GTF2IRD2B: variants seen among roughly 807,000 people sequenced by gnomAD.
GTF2IRD2B encodes GTF2I repeat domain containing 2B, also known as general transcription factor II-I repeat domain-containing protein 2B.
GTF2IRD2B carries 10 observed loss-of-function variants against 55.6 expected under a neutral mutation model. That is an observed-to-expected ratio of 0.18 (90% CI 0.11 to 0.31). GTF2IRD2B has a LOEUF of 0.31. GTF2IRD2B is among the 10% of genes least tolerant of loss of function. The pLI is 1.00. For missense variants in GTF2IRD2B, 206 were observed against 802.7 expected (o/e 0.26, Z 8.98); for synonymous variants, 107 against 320.5 (o/e 0.33, Z 7.12).
chr7:75,121,359 A>G (rs1217480923), intron 4 of GTF2IRD2B, among the ~76,000 whole-genome samples: 2 of 149,506 alleles, frequency 1.3e-5, no homozygotes, highest in Admixed American at 1.3e-4. Flanking sequence ...TAAGTGGTTC[A>G]CCCAGGAGTA....
intron 3 of GTF2IRD2B, among the ~76,000 whole-genome samples, chr7:75,119,160 C>G (rs1554451650): frequency 9.5e-6 from 1 of 104,908 alleles, no homozygotes. Flanking sequence ...TGCCATTGCA[C>G]TCCAGCTTAG....
At chr7:75,147,526 G>A (rs1281496784) in intron 15 of GTF2IRD2B, among the ~76,000 whole-genome samples, 168 bp from the exon 16 acceptor site, 1 of 152,022 alleles carries the variant, frequency 6.6e-6, no homozygotes, top group African/African-American at 2.4e-5. Flanking sequence ...GTTTGCTGGA[G>A]TTGAGGGTCA....
intron 1 of GTF2IRD2B, among the ~76,000 whole-genome samples, chr7:75,104,406 A>G (rs1807699360): frequency 6.6e-6 from 1 of 152,124 alleles, no homozygotes; most frequent in South Asian, 2.1e-4. Context: ...GGCGTGAGCC[A>G]CCACGCCGGC....
chr7:75,130,834 A>G (rs1194352153), intron 8 of GTF2IRD2B, among the ~76,000 whole-genome samples: 1 of 104,540 alleles, frequency 9.6e-6, no homozygotes, highest in East Asian at 2.5e-4. Flanking sequence ...AGAGCTGTTA[A>G]AGGTTTTCAG....
At chr7:75,132,598 C>G (rs1808701833) in intron 8 of GTF2IRD2B, among the ~76,000 whole-genome samples, 1 of 111,832 alleles carries the variant, frequency 8.9e-6, no homozygotes, top group Admixed American at 1.1e-4. Context: ...CTTTGTCAAC[C>G]AGCTGGAGTG....
intron 6 of GTF2IRD2B, chr7:75,124,023 G>A (rs1808474326): frequency 6.0e-6 from 1 of 167,932 alleles, no homozygotes; most frequent in Non-Finnish European, 1.3e-5. Flanking sequence ...TTTTTTTTTA[G>A]AAGAAATAAA....
rs1584531939 is a variant in GTF2IRD2B at position 75,114,630 on chromosome 7, C to T, written c.238+2095C>T. 3.3e-5 allele frequency among the ~76,000 whole-genome samples: 5 copies of T among 151,974 alleles called. No homozygotes were observed. The East Asian group carries it at 9.7e-4, about 29-fold the overall frequency. On this transcript the variant is annotated intron_variant, in intron 3 of 15. Transcript: ENST00000472837. ...CAGTGTCTATTGTTCCCATCCCCAT[C>T]TTTATGTCCATGTGTATCCAAGGTT...
chr7:75,114,180 GT>G (rs1254855624), intron 3 of GTF2IRD2B, among the ~76,000 whole-genome samples: 2 of 150,636 alleles, frequency 1.3e-5, no homozygotes, highest in Non-Finnish European at 3.0e-5. Context: ...CCAAATTAAG[GT>G]CTCCACTATC....
Position 75,112,442 on chromosome 7 carries a change from G to A in GTF2IRD2B, c.145G>A (p.Val49Met). Residue 49 changes from valine (V) to methionine (M), a missense_variant, in exon 3 of 16, where the codon GTG becomes ATG. Transcript: ENST00000472837. The part of the protein sequence containing the change: ...KSKAEVACIA[V>M]YETDVFVVGT... ...CAAGGCAGAAGTGGCCTGCATCGCA[G>A]TGTACGAAACAGACGTGTTTGTCGT... The A allele has an allele frequency of 1.7e-6, 1 of 585,190 alleles. No homozygotes were observed. Among genetic ancestry groups the A allele is most frequent in the Non-Finnish European group, 2.9e-6 (1 of 345,152 alleles). 36.2% of individuals were successfully genotyped at this position (585,190 alleles called of 1,614,324 possible).
intron 3 of GTF2IRD2B, among the ~76,000 whole-genome samples, chr7:75,115,198 A>T (rs1168140599): frequency 4.1e-5 from 6 of 145,354 alleles, no homozygotes; most frequent in African/African-American, 1.5e-4. Context: ...TGGCCTCCCA[A>T]GTAGCTGAGA....
At chr7:75,105,847 C>T (rs1170879556) in intron 1 of GTF2IRD2B, among the ~76,000 whole-genome samples, 1 of 152,302 alleles carries the variant, frequency 6.6e-6, no homozygotes, top group Non-Finnish European at 1.5e-5. Context: ...GTCTGTTATG[C>T]GTTGGCTGTG....
chr7:75,115,202 G>C (rs1427490471), intron 3 of GTF2IRD2B, among the ~76,000 whole-genome samples: 1 of 144,522 alleles, frequency 6.9e-6, no homozygotes, highest in African/African-American at 2.6e-5. Flanking sequence ...CTCCCAAGTA[G>C]CTGAGATCTG....
chr7:75,127,158 G>A (rs1344180092), intron 8 of GTF2IRD2B, among the ~76,000 whole-genome samples: 1 of 151,166 alleles, frequency 6.6e-6, no homozygotes, highest in Admixed American at 6.6e-5. Flanking sequence ...ATTTGCAGAA[G>A]AACCATTATT....
At chr7:75,130,197 CCTTT>C (rs1288682083) in intron 8 of GTF2IRD2B, among the ~76,000 whole-genome samples, 6 of 84,046 alleles carry the variant, frequency 7.1e-5, no homozygotes, top group African/African-American at 2.3e-4. Flanking sequence ...TTCCTTCCTT[CCTTT>C]CTTTCTTTCT....
intron 13 of GTF2IRD2B, among the ~76,000 whole-genome samples, chr7:75,141,833 CTT>C (rs1318059421): frequency 1.6e-5 from 2 of 125,462 alleles, no homozygotes; most frequent in African/African-American, 6.0e-5. Context: ...TAATAGCTAT[CTT>C]TGTTTTACTG....
At chr7:75,143,513 CA>C (rs1341037390) in intron 14 of GTF2IRD2B, among the ~76,000 whole-genome samples, 2 of 74,220 alleles carry the variant, frequency 2.7e-5, no homozygotes, top group Admixed American at 1.3e-4. Flanking sequence ...GACTCCGTCT[CA>C]AAAAAAACAA....
intron 8 of GTF2IRD2B, among the ~76,000 whole-genome samples, chr7:75,132,240 C>T (rs1554535097): frequency 2.9e-5 from 4 of 136,398 alleles, no homozygotes; most frequent in Non-Finnish European, 4.5e-5. Context: ...GGCATGGTGG[C>T]GTGGGCCACT....
At chr7:75,103,409 T>G (rs1357174493) in intron 1 of GTF2IRD2B, among the ~76,000 whole-genome samples, 26 of 151,246 alleles carry the variant, frequency 1.7e-4, no homozygotes, top group African/African-American at 6.3e-4. Flanking sequence ...AGGTGCTTCC[T>G]AAGCTGGCGT....
chr7:75,096,632 G>A (rs1807388037), intron 1 of GTF2IRD2B, among the ~76,000 whole-genome samples: 1 of 132,338 alleles, frequency 7.6e-6, no homozygotes, highest in African/African-American at 3.1e-5. Context: ...CACCATGTTG[G>A]CCAGGCTGAT....
Sources: allele counts gnomAD v4.1 joint callset (sites outside exome capture counted in the v4.1 genomes callset), GRCh38; gene constraint gnomAD v4.1.1; transcripts MANE v1.5; gene names NCBI Gene and HGNC (gene_info 2026-07-23, HGNC 2026-07-21).